ACTA2: variants seen among roughly 807,000 people sequenced by gnomAD.
The protein encoded by ACTA2 is actin alpha 2, smooth muscle.
Under a neutral mutation model 39.5 loss-of-function variants are expected in ACTA2, and 12 were observed. That is an observed-to-expected ratio of 0.30 (90% CI 0.19 to 0.49). The LOEUF (loss-of-function observed/expected upper bound fraction) is 0.49, where lower values mean the gene tolerates loss of function less well. Ranked by LOEUF, ACTA2 falls within the 20% of genes least tolerant of loss-of-function variation. The probability of loss-of-function intolerance (pLI) is 0.99; values close to 1 mark genes in which losing one functional copy is unlikely to be tolerated. For synonymous variants in ACTA2, 158 were observed against 180.6 expected (o/e 0.88, Z 1.00); for missense variants, 236 against 498.8 (o/e 0.47, Z 5.02).
intron 3 of ACTA2, chr10:88,946,962 A>G (rs1430811265): frequency 1.8e-5 from 4 of 224,478 alleles, no homozygotes; most frequent in East Asian, 1.2e-4. Context: ...TCGTTGTTCA[A>G]TTCCCACCTA....
upstream of ACTA2, among the ~76,000 whole-genome samples, chr10:88,957,036 G>T (rs1048305719): frequency 6.6e-6 from 1 of 152,148 alleles, no homozygotes; most frequent in Admixed American, 6.5e-5. Context: ...TTGCCCTAGG[G>T]TTTAAGTTCC....
intron 4 of ACTA2, 76 bp from the exon 5 acceptor site, chr10:88,941,945 T>C: frequency 7.3e-7 from 1 of 1,366,532 alleles, no homozygotes; most frequent in Non-Finnish European, 1.0e-6. Context: ...CACACCTGGT[T>C]GATGGATGCA....
At chr10:88,940,668 A>C (rs1444120686) in intron 6 of ACTA2, 1 of 182,192 alleles carries the variant, frequency 5.5e-6, no homozygotes, top group Non-Finnish European at 1.2e-5. Context: ...GAATACACAT[A>C]TGTCACTGTG....
At chr10:88,962,963 ATATATATATATAT>A (rs1846258428) in intron 1 of ACTA2, among the ~76,000 whole-genome samples, 4 of 32,794 alleles carry the variant, frequency 1.2e-4, no homozygotes, top group African/African-American at 3.3e-4. Context: ...ATATATATAT[ATATATATATATAT>A]AATATTTTTT....
intron 1 of ACTA2, among the ~76,000 whole-genome samples, chr10:88,962,911 CCATATATATATATATATATATA>C (rs1846251028): frequency 2.1e-5 from 1 of 46,560 alleles, no homozygotes; most frequent in Non-Finnish European, 4.1e-5. Context: ...GGGGAATGCC[CCATATATATATATATATATATA>C]TATATATATA....
At chr10:88,935,535 A>C (rs551714685) in intron 8 of ACTA2, 169 bp from the exon 9 acceptor site, 26 of 702,494 alleles carry the variant, frequency 3.7e-5, no homozygotes, top group Non-Finnish European at 5.6e-5. Flanking sequence ...TGTTCTTGGC[A>C]GGACCGCCAG....
At chr10:88,936,459 G>A (rs1564641763) in intron 8 of ACTA2, among the ~76,000 whole-genome samples, 1 of 152,064 alleles carries the variant, frequency 6.6e-6, no homozygotes, top group Non-Finnish European at 1.5e-5. Flanking sequence ...GGATCACGTG[G>A]GTGGATCTCT....
intron 1 of ACTA2, among the ~76,000 whole-genome samples, chr10:88,979,365 C>G (rs1349068393): frequency 6.6e-6 from 1 of 152,278 alleles, no homozygotes; most frequent in East Asian, 1.9e-4. Context: ...CACCACAGAC[C>G]AGATTCCTGC....
In ACTA2 at chr10:88,935,488, T is replaced by C. The variant is rs148204227; in HGVS notation, c.991-122A>G. The C allele has an allele frequency of 4.8e-4, 548 of 1,145,238 alleles. No homozygotes were observed. In the African/African-American group the frequency reaches 7.3e-3, roughly 15 times the overall value. 70.9% of individuals were successfully genotyped at this position (1,145,238 alleles called of 1,614,324 possible). A position where few individuals can be genotyped will look rare whatever the true frequency, so the allele number is the denominator to read the frequency against. The stretch of plus-strand genomic sequence containing the variant: ...TTTCTTGTTCAGCAGGGACACAGGC[T>C]TGTCTGTTAGATGCCAATTGTGTCC... On this transcript the variant is annotated intron_variant, in intron 8 of 8. Transcript: ENST00000224784.
chr10:88,971,912 C>CT (rs547839484), intron 1 of ACTA2, among the ~76,000 whole-genome samples: 1,638 of 139,960 alleles, frequency 0.012, 14 homozygotes, highest in African/African-American at 0.029. Context: ...AAGGGGACTA[C>CT]TTTTTTTTTT....
At chr10:88,940,971 G>A (rs1845836173) in intron 6 of ACTA2, 1 of 434,670 alleles carries the variant, frequency 2.3e-6, no homozygotes, top group African/African-American at 2.0e-5. Flanking sequence ...CTAATGGAGG[G>A]GATTAAAAAA....
At position 88,990,501 on chromosome 10, in the gene ACTA2, A is replaced by G; in HGVS notation, c.-24+438T>C. The G allele has an allele frequency of 1.7e-6, 1 of 579,444 alleles. No homozygotes were observed. The highest frequency in any genetic ancestry group is 3.3e-6 in the Non-Finnish European group (1 of 306,876). 35.9% of individuals were successfully genotyped at this position (579,444 alleles called of 1,614,324 possible). A position where few individuals can be genotyped will look rare whatever the true frequency, so the allele number is the denominator to read the frequency against. ...ATGCCCATTTGTGCAACGAACCCTG[A>G]CTCCTTCCTCACCCTGACTTCTCCC... On this transcript the variant is annotated intron_variant, in intron 1 of 4. Coordinates refer to the ACTA2 transcript ENST00000415557. This position sits in a 1 kb window ranked among gnomAD's most constrained non-coding sequence, Gnocchi z 4.9.
In ACTA2 at chr10:88,939,493, C is replaced by T. The variant is rs774120023; in HGVS notation, c.808+14G>A. 1.9e-5 allele frequency: 31 copies of T among 1,612,250 alleles called. No homozygotes were observed. The highest frequency in any genetic ancestry group is 5.3e-5 in the African/African-American group (4 of 74,842). On this transcript the variant is annotated intron_variant, in intron 7 of 8. Transcript: ENST00000224784. ...ATGACTCCCCTTCCCAGGAAAAGGG[C>T]GTTTGTTGCCTACCGATGAAGGATG... is the stretch of plus-strand genomic sequence containing the variant.
chr10:88,953,507 A>G (rs1589403887), upstream of ACTA2, among the ~76,000 whole-genome samples: 1 of 152,178 alleles, frequency 6.6e-6, no homozygotes, highest in African/African-American at 2.4e-5. Flanking sequence ...CAGAGAGTCT[A>G]CCCAGCAGCC....
chr10:88,974,277 G>A (rs1846515302), intron 1 of ACTA2: 1 of 151,688 alleles, frequency 6.6e-6, no homozygotes, highest in African/African-American at 2.4e-5. Context: ...GGCTCTCAAG[G>A]ACTCAATTTG....
intron 1 of ACTA2, among the ~76,000 whole-genome samples, chr10:88,950,651 G>A (rs540890771): frequency 8.1e-4 from 123 of 152,308 alleles, no homozygotes; most frequent in African/African-American, 2.9e-3. Flanking sequence ...TTAGGACAAC[G>A]AAGATTTCAG....
At chr10:88,974,262 A>T (rs1399866824) in intron 1 of ACTA2, 1 of 152,160 alleles carries the variant, frequency 6.6e-6, no homozygotes, top group African/African-American at 2.4e-5. Context: ...AAAAAAAAAA[A>T]ATCAGGCTCT....
chr10:88,935,786 A>G (rs1282422784), intron 8 of ACTA2, among the ~76,000 whole-genome samples: 1 of 152,214 alleles, frequency 6.6e-6, no homozygotes, highest in Non-Finnish European at 1.5e-5. Flanking sequence ...GCTAGGACTT[A>G]GTATACAAAT....
At chr10:88,938,993 G>A (rs752615655) in intron 7 of ACTA2, among the ~76,000 whole-genome samples, 10 of 152,154 alleles carry the variant, frequency 6.6e-5, no homozygotes, top group South Asian at 2.1e-4. Flanking sequence ...TACAGTCTCC[G>A]CTTTATACAT....
Sources: gnomAD v4.1 joint callset for allele counts (sites outside exome capture counted in the v4.1 genomes callset) on GRCh38, gnomAD v4.1.1 for gene constraint, Gnocchi (gnomAD v3.1) non-coding constraint, MANE v1.5 for transcripts, NCBI Gene and HGNC (gene_info 2026-07-23, HGNC 2026-07-21) for gene names.